Variants in NUTM2G observed in about 807,000 individuals in gnomAD.
NUTM2G encodes the protein NUT family member 2G, also known as family with sequence similarity 22, member G.
A neutral mutation model predicts 44.3 loss-of-function variants in NUTM2G; 29 were observed. The ratio of observed to expected loss-of-function variants is 0.66; its 90% CI spans 0.49 to 0.89. The LOEUF is 0.89. Among genes scored for constraint, NUTM2G ranks in the 40% least tolerant of loss-of-function variants. NUTM2G has a pLI of 0.00. For missense variants in NUTM2G, 502 were observed against 946.5 expected (o/e 0.53, Z 6.16); for synonymous variants, 205 against 395.9 (o/e 0.52, Z 5.72).
At chr9:96,937,762 T>C (rs1316911903) in intron 5 of NUTM2G, 123 bp from the exon 6 acceptor site, 11 of 1,288,242 alleles carry the variant, frequency 8.5e-6, no homozygotes, top group Admixed American at 3.4e-5. Context: ...GTCGCCATGA[T>C]ATGAAACAGC....
chr9:96,931,328 C>T (rs1826238285), intron 1 of NUTM2G, among the ~76,000 whole-genome samples: 1 of 151,710 alleles, frequency 6.6e-6, no homozygotes, highest in African/African-American at 2.4e-5. Flanking sequence ...GAATGCCGAG[C>T]ACTGCCCTGG....
downstream of NUTM2G, among the ~76,000 whole-genome samples, chr9:96,940,906 GTTTAT>G: frequency 6.6e-6 from 1 of 152,344 alleles, no homozygotes; most frequent in Non-Finnish European, 1.5e-5. Flanking sequence ...GGGAAGGAGA[GTTTAT>G]CTTGGCAGGG....
chr9:96,934,723 A>C (rs959205404), intron 2 of NUTM2G, among the ~76,000 whole-genome samples: 1 of 151,706 alleles, frequency 6.6e-6, no homozygotes, highest in Non-Finnish European at 1.5e-5. Context: ...TTCTGTGTGC[A>C]TGGTGTCTCA....
intron 2 of NUTM2G, 118 bp from the exon 3 acceptor site, chr9:96,935,210 C>T (rs1300526538): frequency 1.3e-6 from 2 of 1,502,266 alleles, no homozygotes; most frequent in Non-Finnish European, 1.8e-6. Flanking sequence ...TGGGGGAGAA[C>T]AGGACAGGGA....
chr9:96,930,844 G>A (rs1015971414), intron 1 of NUTM2G, among the ~76,000 whole-genome samples: 4 of 146,708 alleles, frequency 2.7e-5, no homozygotes, highest in East Asian at 2.1e-4. Context: ...TTCCTAGGGC[G>A]CTGGCTTGGG....
At chr9:96,930,326 C>A (rs941508839) in intron 1 of NUTM2G, among the ~76,000 whole-genome samples, 4 of 152,168 alleles carry the variant, frequency 2.6e-5, no homozygotes, top group Non-Finnish European at 5.9e-5. Flanking sequence ...GAGTTCAAGA[C>A]CAGCCTGACC....
chr9:96,929,184 T>C (rs1296237132), intron 1 of NUTM2G, 144 bp downstream of exon 1: 2 of 1,294,342 alleles, frequency 1.5e-6, no homozygotes, highest in East Asian at 4.6e-5. Context: ...CACCTGGGGA[T>C]GGCCATGGCA....
intron 1 of NUTM2G, 78 bp downstream of exon 1, chr9:96,929,118 G>A (rs922586612): frequency 1.7e-5 from 27 of 1,592,844 alleles, no homozygotes; most frequent in Non-Finnish European, 2.1e-5. Flanking sequence ...AACTGTCCCT[G>A]GGGACAGCTT....
chr9:96,934,239 C>T (rs535828220), intron 2 of NUTM2G, among the ~76,000 whole-genome samples: 3 of 152,324 alleles, frequency 2.0e-5, no homozygotes, highest in Middle Eastern at 3.4e-3. Context: ...CTCCACCCCA[C>T]GGCACCTCTG....
intron 1 of NUTM2G, among the ~76,000 whole-genome samples, chr9:96,930,756 C>G (rs947204806): frequency 6.7e-6 from 1 of 150,374 alleles, no homozygotes; most frequent in Non-Finnish European, 1.5e-5. Flanking sequence ...AATCTGACCC[C>G]TATTTAACAC....
In NUTM2G at chr9:96,932,005, G is replaced by C. The variant is rs1327864286; in HGVS notation, c.300G>C (p.Leu100Phe). 1.2e-6 allele frequency: 2 copies of C among 1,610,150 alleles called. No homozygotes were observed. Among genetic ancestry groups the C allele is most frequent in the African/African-American group, 1.3e-5 (1 of 74,848 alleles). The change falls in exon 2 of 7, where the codon TTG (leucine) becomes TTC (phenylalanine). Residue 100 changes from leucine (L) to phenylalanine (F), a missense_variant. Coordinates refer to ENST00000372322, the MANE Select transcript of NUTM2G (RefSeq NM_001170741.3). The stretch of plus-strand genomic sequence containing the variant: ...TGAAGCCCCCTCAGGCACAGACCTT[G>C]ATCCTAACTCAGGCCCCCCTCGTCT... ...GPVKPPQAQT[L>F]ILTQAPLVWQ...
In NUTM2G at chr9:96,931,750, C is replaced by T. The variant is rs1307874107; in HGVS notation, c.45C>T (p.Thr15=). Residue 15 remains threonine (T), a synonymous_variant, in exon 2 of 7, where the codon ACC becomes ACT. Transcript: ENST00000372322. ...ACCCAGTGCTGGGACCCGGCGTGAC[C>T]GTGAACCCTGGCACCTCCCTGTCTG... The part of the protein sequence containing the change: ...GAYPVLGPGV[T]VNPGTSLSVF... 21 of 1,611,430 alleles carry T rather than the reference C, an allele frequency of 1.3e-5. No homozygotes were observed. Among genetic ancestry groups the T allele is most frequent in the African/African-American group, 2.7e-5 (2 of 74,494 alleles).
At chr9:96,936,324 C>A in intron 3 of NUTM2G, 101 bp from the exon 4 acceptor site, 1 of 1,532,802 alleles carries the variant, frequency 6.5e-7, no homozygotes, top group East Asian at 2.4e-5. Context: ...AGACAGCCCG[C>A]CGGAGGCACT....
intron 2 of NUTM2G, among the ~76,000 whole-genome samples, chr9:96,934,364 C>T (rs1346581066): frequency 2.0e-5 from 3 of 152,196 alleles, no homozygotes; most frequent in African/African-American, 7.2e-5. Context: ...AAGGCGGTCC[C>T]GTCTTCCTCC....
At chr9:96,933,370 CT>C (rs562660832) in intron 2 of NUTM2G, among the ~76,000 whole-genome samples, 48 of 149,758 alleles carry the variant, frequency 3.2e-4, no homozygotes, top group African/African-American at 1.2e-3. Context: ...GGGTTTAGGT[CT>C]TTTTTGTTTG....
intron 3 of NUTM2G, 127 bp downstream of exon 3, chr9:96,935,583 G>T: frequency 6.4e-7 from 1 of 1,568,760 alleles, no homozygotes; most frequent in Non-Finnish European, 8.7e-7. Flanking sequence ...GGACGCCCTG[G>T]GCCCCTGGCT....
intron 2 of NUTM2G, among the ~76,000 whole-genome samples, chr9:96,934,356 G>A (rs1826362574): frequency 6.6e-6 from 1 of 152,222 alleles, no homozygotes; most frequent in African/African-American, 2.4e-5. Flanking sequence ...TGTAGGTGAA[G>A]GCGGTCCCGT....
chr9:96,930,539 G>GA (rs1229623762), intron 1 of NUTM2G, among the ~76,000 whole-genome samples: 6 of 137,948 alleles, frequency 4.3e-5, no homozygotes, highest in African/African-American at 2.8e-5. Context: ...AAAAAAAAAA[G>GA]AAAAAAAAGA....
chr9:96,938,484 A>G lies in NUTM2G; in HGVS notation c.1561A>G (p.Arg521Gly). 6.3e-7 allele frequency: 1 copy of G among 1,594,524 alleles called. No homozygotes were observed. Among genetic ancestry groups the G allele is most frequent in the Non-Finnish European group, 8.5e-7 (1 of 1,170,124 alleles). Residue 521 changes from arginine to glycine, a missense_variant, in exon 7 of 7, where the codon AGA becomes GGA. Coordinates refer to ENST00000372322, the MANE Select transcript of NUTM2G (RefSeq NM_001170741.3). ...GTTTGCAGCTGGCCAAGAAGCAGCG[A>G]GAGAGGTCCCTGACCCCCAACAAAG... Reference protein sequence around the residue: ...SEFAAGQEAAREVPDPQQRVS... With the variant: ...SEFAAGQEAAGEVPDPQQRVS...
Sources: gnomAD v4.1 joint callset for allele counts (sites outside exome capture counted in the v4.1 genomes callset) on GRCh38, gnomAD v4.1.1 for gene constraint, MANE v1.5 for transcripts, NCBI Gene and HGNC (gene_info 2026-07-23, HGNC 2026-07-21) for gene names.